C1orf141: variants seen among roughly 807,000 people sequenced by gnomAD.
C1orf141 encodes the protein uncharacterized protein C1orf141.
C1orf141 carries 19 observed loss-of-function variants against 23.2 expected under a neutral mutation model. The observed-to-expected ratio is 0.82, with a 90% CI of 0.57 to 1.20. C1orf141 has a LOEUF of 1.20. C1orf141 is among the 50% of genes most tolerant of loss of function. The pLI, the probability that C1orf141 is intolerant of heterozygous loss-of-function variation, is 0.00. For missense variants in C1orf141, 469 were observed against 455.1 expected (o/e 1.03, Z -0.28); for synonymous variants, 153 against 154.6 (o/e 0.99, Z 0.08).
intron 4 of C1orf141, among the ~76,000 whole-genome samples, chr1:67,116,201 A>G (rs894596767): frequency 1.3e-5 from 2 of 152,080 alleles, no homozygotes. Flanking sequence ...TATTGATTCC[A>G]CCATCCCCTT....
At chr1:67,129,041 C>T (rs1262047498) in intron 2 of C1orf141, among the ~76,000 whole-genome samples, 1 of 151,992 alleles carries the variant, frequency 6.6e-6, no homozygotes, top group Non-Finnish European at 1.5e-5. Flanking sequence ...CTTCACCATA[C>T]ATTGCCCTGA....
At chr1:67,101,280 GAA>G (rs1343869673) in intron 5 of C1orf141, among the ~76,000 whole-genome samples, 1 of 151,966 alleles carries the variant, frequency 6.6e-6, no homozygotes, top group Non-Finnish European at 1.5e-5. Flanking sequence ...GGAAGCCAGA[GAA>G]AAAAAGTGAC....
intron 1 of C1orf141, among the ~76,000 whole-genome samples, chr1:67,141,151 A>C (rs1226903549): frequency 6.6e-6 from 1 of 152,240 alleles, no homozygotes; most frequent in Non-Finnish European, 1.5e-5. Flanking sequence ...TTATACACAG[A>C]ATGATTCTTT....
chr1:67,134,296 G>C (rs1383251814), intron 1 of C1orf141, among the ~76,000 whole-genome samples: 1 of 147,564 alleles, frequency 6.8e-6, no homozygotes, highest in African/African-American at 2.5e-5. Context: ...AAGCCAACGC[G>C]CCGGCCTGGA....
rs1038814508 is a variant in C1orf141, at chr1:67,094,921, C to T, written c.603+314G>A. On this transcript the variant is annotated intron_variant, in intron 7 of 7. Coordinates refer to ENST00000684719, the MANE Select transcript of C1orf141 (RefSeq NM_001276351.2). The stretch of plus-strand genomic sequence containing the variant: ...AGTAGCGGGGATTACAGGTGCACAC[C>T]ACTGCATTCTGCTAGATTGGTACAG... 25 of 209,620 alleles carry T rather than the reference C, an allele frequency of 1.2e-4. No individual in the cohort carries two copies. In the East Asian group the frequency reaches 3.1e-3, roughly 26 times the overall value. The allele number at this position is 209,620 out of a possible 1,614,324, so 13.0% of individuals were successfully genotyped here.
At chr1:67,094,109 T>C (rs1056767946) in intron 7 of C1orf141, 1 of 152,328 alleles carries the variant, frequency 6.6e-6, no homozygotes, top group Non-Finnish European at 1.5e-5. Flanking sequence ...TGTACCCTAA[T>C]ACTTAGCACA....
intron 7 of C1orf141, chr1:67,093,811 A>T (rs1291644071): frequency 9.3e-6 from 3 of 323,368 alleles, no homozygotes; most frequent in Non-Finnish European, 1.1e-5. Flanking sequence ...TTCTATAGAG[A>T]TGTTAGTGAT....
chr1:67,106,839 C>A (rs1254058384), intron 5 of C1orf141, among the ~76,000 whole-genome samples: 1 of 151,988 alleles, frequency 6.6e-6, no homozygotes, highest in East Asian at 1.9e-4. Flanking sequence ...GAGCTTAAAA[C>A]AAAGTGAAAA....
chr1:67,099,132 A>G (rs539763420), intron 5 of C1orf141, among the ~76,000 whole-genome samples: 1 of 152,308 alleles, frequency 6.6e-6, no homozygotes, highest in Admixed American at 6.5e-5. Context: ...ATTGAAGATG[A>G]CAGACAGAAT....
At chr1:67,108,712 A>G (rs974951451) in intron 5 of C1orf141, among the ~76,000 whole-genome samples, 2 of 152,148 alleles carry the variant, frequency 1.3e-5, no homozygotes, top group Non-Finnish European at 2.9e-5. Flanking sequence ...TAGGTGATGG[A>G]GCAAGACTCT....
chr1:67,114,305 C>A (rs919217439), intron 5 of C1orf141, among the ~76,000 whole-genome samples: 1 of 150,338 alleles, frequency 6.7e-6, no homozygotes, highest in Non-Finnish European at 1.5e-5. Context: ...AAAAAAAAAT[C>A]TTTTCTGGAG....
At chr1:67,140,820 TG>T (rs1268588672) in intron 1 of C1orf141, among the ~76,000 whole-genome samples, 3 of 152,198 alleles carry the variant, frequency 2.0e-5, no homozygotes, top group African/African-American at 7.2e-5. Context: ...ATTTATTATG[TG>T]TCAACAATTG....
chr1:67,112,988 TA>T (rs1342415780), intron 5 of C1orf141, among the ~76,000 whole-genome samples: 2 of 152,226 alleles, frequency 1.3e-5, no homozygotes, highest in African/African-American at 4.8e-5. Context: ...GCAATTTGTT[TA>T]TTTATTTTGA....
intron 3 of C1orf141, among the ~76,000 whole-genome samples, chr1:67,126,300 C>T (rs937231604): frequency 2.1e-4 from 32 of 152,324 alleles, no homozygotes; most frequent in African/African-American, 7.2e-4. Flanking sequence ...CGATGAATCA[C>T]ACCAATCTTC....
chr1:67,109,201 CCTGTAGTCCCAG>C (rs1646006840), intron 5 of C1orf141, among the ~76,000 whole-genome samples: 1 of 152,022 alleles, frequency 6.6e-6, no homozygotes, highest in Admixed American at 6.6e-5. Context: ...GTGGCTGACG[CCTGTAGTCCCAG>C]CTACTCGGGA....
chr1:67,093,663 A>G (rs968605523), intron 7 of C1orf141, 59 bp from the exon 8 acceptor site: 7 of 1,330,328 alleles, frequency 5.3e-6, no homozygotes, highest in African/African-American at 4.4e-5. Flanking sequence ...AAAGCTCCAT[A>G]TATTTTAAAA....
At chr1:67,114,101 C>T (rs1646137078) in intron 5 of C1orf141, among the ~76,000 whole-genome samples, 1 of 152,142 alleles carries the variant, frequency 6.6e-6, no homozygotes, top group Non-Finnish European at 1.5e-5. Flanking sequence ...TAAATGTTCT[C>T]CAGTTCCCTT....
At chr1:67,103,610 G>A (rs184479679) in intron 5 of C1orf141, among the ~76,000 whole-genome samples, 128 of 152,114 alleles carry the variant, frequency 8.4e-4, no homozygotes, top group Middle Eastern at 3.4e-3. Flanking sequence ...TAAAAGATCT[G>A]CTTATGCTCA....
At chr1:67,111,786 G>T (rs1646079018) in intron 5 of C1orf141, 5 of 415,658 alleles carry the variant, frequency 1.2e-5, no homozygotes, top group Non-Finnish European at 2.2e-5. Flanking sequence ...CTTGTACATG[G>T]TTAGAGCTAA....
Sources: allele counts gnomAD v4.1 joint callset (sites outside exome capture counted in the v4.1 genomes callset), GRCh38; gene constraint gnomAD v4.1.1; transcripts MANE v1.5; gene names NCBI Gene and HGNC (gene_info 2026-07-23, HGNC 2026-07-21).